OOSP1: variants seen among roughly 807,000 people sequenced by gnomAD.
The protein encoded by OOSP1 is oocyte secreted protein 1, also known as putative oocyte-secreted protein 1 homolog.
In OOSP1, 11 loss-of-function variants were observed where a neutral mutation model predicts 5.7. The ratio of observed to expected loss-of-function variants is 1.94; its 90% CI spans 1.22 to 3.20. OOSP1 has a LOEUF of 3.20. Ranked by LOEUF, OOSP1 falls within the 30% of genes most tolerant of loss-of-function variation. The probability of loss-of-function intolerance (pLI) is 0.00; values close to 1 mark genes in which losing one functional copy is unlikely to be tolerated. For missense variants in OOSP1, 83 were observed against 54.1 expected, an observed-to-expected ratio of 1.53 and a Z score of -1.67; for synonymous variants, 44 against 20.0, an observed-to-expected ratio of 2.20 and a Z score of -3.20.
At chr11:59,939,768 T>C (rs934792294) in intron 1 of OOSP1, among the ~76,000 whole-genome samples, 4 of 151,758 alleles carry the variant, frequency 2.6e-5, no homozygotes, top group Non-Finnish European at 5.9e-5. Context: ...TCCCCTTCTC[T>C]TTCTCATCTT....
chr11:59,939,977 G>A (rs1853808731), intron 1 of OOSP1, among the ~76,000 whole-genome samples: 1 of 152,096 alleles, frequency 6.6e-6, no homozygotes, highest in African/African-American at 2.4e-5. Context: ...TGACCTCAAG[G>A]AATCCTCCCA....
intron 4 of OOSP1, among the ~76,000 whole-genome samples, chr11:59,952,674 C>T (rs1296255550): frequency 2.0e-5 from 3 of 152,092 alleles, no homozygotes; most frequent in African/African-American, 7.2e-5. Context: ...TAAAACATGA[C>T]ATGTTAGGTA....
intron 4 of OOSP1, chr11:59,949,024 C>G (rs1237520241): frequency 8.3e-6 from 3 of 361,902 alleles, no homozygotes; most frequent in Non-Finnish European, 1.5e-5. Flanking sequence ...GTTTATACTA[C>G]TATATATCTG....
intron 1 of OOSP1, among the ~76,000 whole-genome samples, chr11:59,941,508 T>C (rs955924205): frequency 6.6e-6 from 1 of 151,882 alleles, no homozygotes; most frequent in African/African-American, 2.4e-5. Context: ...GCCTCCTGAG[T>C]AGCTGGGATT....
chr11:59,957,155 T>C (rs1278040276), intron 4 of OOSP1, 40 bp from the exon 5 acceptor site: 1 of 397,154 alleles, frequency 2.5e-6, no homozygotes, highest in Non-Finnish European at 4.4e-6. Context: ...AACTGTAATG[T>C]AATTGATGAA....
At chr11:59,943,958 G>C (rs1365209748) in intron 2 of OOSP1, among the ~76,000 whole-genome samples, 1 of 152,238 alleles carries the variant, frequency 6.6e-6, no homozygotes, top group Middle Eastern at 3.4e-3. Context: ...CCACAGATTG[G>C]GTAACACAGA....
rs180815782 is a variant in OOSP1 at position 59,955,858 on chromosome 11, C to T, written c.487-1337C>T. On this transcript the variant is annotated intron_variant, in intron 4 of 4. Transcript: ENST00000646685. ...ATGTTGCCCAGGTTGGTCTTGACTC[C>T]TGGGCTCAACTGATCCTCCTATTTC... Among the ~76,000 whole-genome samples the T allele has an allele frequency of 3.7e-3, 567 of 152,264 alleles. 6 individuals are homozygous for T. Among genetic ancestry groups the T allele is most frequent in the African/African-American group, 0.012 (519 of 41,548 alleles).
At chr11:59,947,989 G>T in intron 4 of OOSP1, 127 bp downstream of exon 4, 1 of 394,610 alleles carries the variant, frequency 2.5e-6, no homozygotes, top group South Asian at 1.4e-4. Flanking sequence ...AATGTTTCCG[G>T]TTCAAGAATG....
intron 2 of OOSP1, among the ~76,000 whole-genome samples, chr11:59,944,518 T>G (rs1853863066): frequency 6.6e-6 from 1 of 152,200 alleles, no homozygotes; most frequent in African/African-American, 2.4e-5. Flanking sequence ...TATGGGTATC[T>G]CTGAATCATC....
chr11:59,943,887 T>C (rs964527134), intron 2 of OOSP1, among the ~76,000 whole-genome samples: 10 of 152,388 alleles, frequency 6.6e-5, no homozygotes, highest in African/African-American at 2.4e-4. Context: ...ACTTATTTTT[T>C]TCATTATCCC....
intron 3 of OOSP1, among the ~76,000 whole-genome samples, chr11:59,946,071 A>G (rs959609614): frequency 6.6e-6 from 1 of 152,128 alleles, no homozygotes; most frequent in African/African-American, 2.4e-5. Context: ...AGCCATGGAC[A>G]TGCAGTGGTC....
Position 59,945,455 on chromosome 11 carries a change from A to G in OOSP1, c.356+189A>G, listed in dbSNP as rs73493116. On this transcript the variant is annotated intron_variant, in intron 3 of 4. Transcript: ENST00000646685. ...CTCTGTTGCATTGCTATAAAGAGAA[A>G]TGCTGGCTGGGCACGGTGGCTCACA... 3,130 of 644,008 alleles carry G rather than the reference A, an allele frequency of 4.9e-3. 65 individuals carry two copies. The highest frequency in any genetic ancestry group is 0.047 in the African/African-American group (2,631 of 55,680). 39.9% of individuals were successfully genotyped at this position (644,008 alleles called of 1,614,324 possible).
At chr11:59,956,465 A>G (rs1186728533) in intron 4 of OOSP1, among the ~76,000 whole-genome samples, 1 of 152,080 alleles carries the variant, frequency 6.6e-6, no homozygotes, top group African/African-American at 2.4e-5. Flanking sequence ...TGAAGAAAAG[A>G]TGATTCTTAC....
At chr11:59,947,998 T>C (rs373058032) in intron 4 of OOSP1, 136 bp downstream of exon 4, 6 of 394,834 alleles carry the variant, frequency 1.5e-5, no homozygotes, top group African/African-American at 2.1e-5. Flanking sequence ...GGTTCAAGAA[T>C]GCAAATTCAT....
At chr11:59,950,306 A>G (rs566732742) in intron 4 of OOSP1, among the ~76,000 whole-genome samples, 4 of 152,288 alleles carry the variant, frequency 2.6e-5, no homozygotes, top group East Asian at 1.9e-4. Flanking sequence ...GTAGTTGAAT[A>G]TAGAGGTCTA....
intron 4 of OOSP1, among the ~76,000 whole-genome samples, chr11:59,949,923 T>C (rs1347555920): frequency 2.0e-5 from 3 of 152,122 alleles, no homozygotes; most frequent in Non-Finnish European, 4.4e-5. Context: ...TTCATTACAG[T>C]GATGGTGTTA....
At chr11:59,952,612 T>C (rs528058568) in intron 4 of OOSP1, among the ~76,000 whole-genome samples, 3 of 152,084 alleles carry the variant, frequency 2.0e-5, no homozygotes, top group Non-Finnish European at 4.4e-5. Context: ...CAGAGTGATA[T>C]AATGGACTTT....
intron 1 of OOSP1, among the ~76,000 whole-genome samples, chr11:59,941,619 C>G (rs1401081380): frequency 6.6e-6 from 1 of 152,066 alleles, no homozygotes; most frequent in Non-Finnish European, 1.5e-5. Flanking sequence ...ACCTCGTGAT[C>G]CACCCGGCTC....
chr11:59,938,444 A>C (rs544778365), exon 1 of OOSP1: 1 of 553,964 alleles, frequency 1.8e-6, no homozygotes, highest in Non-Finnish European at 3.2e-6. Flanking sequence ...TTTGGTTTTC[A>C]ATCTGGGCAA....
Sources: allele counts gnomAD v4.1 joint callset (sites outside exome capture counted in the v4.1 genomes callset), GRCh38; gene constraint gnomAD v4.1.1; transcripts MANE v1.5; gene names NCBI Gene and HGNC (gene_info 2026-07-23, HGNC 2026-07-21).